The following ERICH6 variants were observed in gnomAD, a reference collection of about 807,000 sequenced individuals.
The protein encoded by ERICH6 is glutamate rich 6.
A neutral mutation model predicts 71.0 loss-of-function variants in ERICH6; 71 were observed. The ratio of observed to expected loss-of-function variants is 1.00; its 90% CI spans 0.83 to 1.22. The LOEUF is 1.22. Ranked by LOEUF, ERICH6 falls within the 50% of genes most tolerant of loss-of-function variation. The pLI is 0.00. For synonymous variants in ERICH6, 262 were observed against 278.4 expected (o/e 0.94, Z 0.59); for missense variants, 808 against 797.2 (o/e 1.01, Z -0.16).
Position 150,678,526 on chromosome 3 carries a change from A to T in ERICH6, c.1140T>A (p.Tyr380Ter), listed in dbSNP as rs557979825. 3.1e-6 allele frequency: 5 copies of T among 1,601,538 alleles called. No homozygotes were observed. The highest frequency in any genetic ancestry group is 4.2e-6 in the Non-Finnish European group (5 of 1,177,050). The stretch of plus-strand genomic sequence containing the variant: ...TTTCTGGAATATCCACAGAAAGTTG[A>T]TAAGAAATTGTTTTTAAGCGCTTTG... The part of the protein sequence containing the change: ...DDSKRLKTIS[Y>*]QLSVDIPEKQ... The change falls in exon 10 of 14, where the codon TAT (tyrosine) becomes TAA (stop). Residue 380 changes from tyrosine (Y) to a stop codon, truncating the protein, a stop_gained. Coordinates refer to ENST00000295910, the MANE Select transcript of ERICH6 (RefSeq NM_152394.5). LOFTEE classifies it high-confidence loss of function.
chr3:150,679,899 C>A (rs1711829591), intron 9 of ERICH6, among the ~76,000 whole-genome samples: 1 of 152,158 alleles, frequency 6.6e-6, no homozygotes, highest in African/African-American at 2.4e-5. Flanking sequence ...CTCAGGCGAT[C>A]CACCCGCCTC....
At chr3:150,700,241 A>ATTTTTTTTTTTTTTTTTT (rs34624356) in intron 2 of ERICH6, among the ~76,000 whole-genome samples, 8 of 110,970 alleles carry the variant, frequency 7.2e-5, no homozygotes, top group African/African-American at 1.1e-4. Context: ...TGCCCGGCTA[A>ATTTTTTTTTTTTTTTTTT]TTTTTTTTTT....
At chr3:150,682,084 G>A in intron 7 of ERICH6, 134 bp downstream of exon 7, 1 of 735,598 alleles carries the variant, frequency 1.4e-6, no homozygotes, top group Non-Finnish European at 2.2e-6. Context: ...CGAAGTGCTA[G>A]GATTACAGGT....
chr3:150,696,731 A>G (rs1712670015), intron 3 of ERICH6, among the ~76,000 whole-genome samples: 1 of 152,186 alleles, frequency 6.6e-6, no homozygotes, highest in Non-Finnish European at 1.5e-5. Context: ...AAATAAAATA[A>G]TAATCATTTC....
At chr3:150,676,037 CT>C (rs1711641123) in intron 10 of ERICH6, among the ~76,000 whole-genome samples, 1 of 151,582 alleles carries the variant, frequency 6.6e-6, no homozygotes, top group Non-Finnish European at 1.5e-5. Context: ...ACCTGATTAT[CT>C]TTTTTTCTCT....
chr3:150,682,944 G>T (rs2108061700), intron 6 of ERICH6, among the ~76,000 whole-genome samples: 1 of 152,244 alleles, frequency 6.6e-6, no homozygotes, highest in South Asian at 2.1e-4. Context: ...GGGCTCAGCT[G>T]ACTCAATGTG....
intron 10 of ERICH6, among the ~76,000 whole-genome samples, chr3:150,678,158 T>C (rs950797446): frequency 8.5e-5 from 13 of 152,220 alleles, no homozygotes; most frequent in Admixed American, 5.2e-4. Context: ...TTTCTTCCCT[T>C]CCTTTTAATT....
intron 10 of ERICH6, among the ~76,000 whole-genome samples, chr3:150,677,245 C>A (rs1420163180): frequency 6.6e-6 from 1 of 152,082 alleles, no homozygotes; most frequent in East Asian, 1.9e-4. Flanking sequence ...GCCTGGTTCA[C>A]CCCTTAAATT....
chr3:150,700,936 T>C (rs953630908), intron 2 of ERICH6, among the ~76,000 whole-genome samples: 4 of 152,224 alleles, frequency 2.6e-5, no homozygotes, highest in Non-Finnish European at 5.9e-5. Context: ...TATTTTCTTG[T>C]CCATAGATTC....
chr3:150,699,584 A>G (rs1171623810), intron 2 of ERICH6, among the ~76,000 whole-genome samples: 7 of 152,344 alleles, frequency 4.6e-5, no homozygotes, highest in East Asian at 1.9e-4. Flanking sequence ...ACGAAGGATT[A>G]CCACTTAAGA....
chr3:150,698,979 A>G, intron 2 of ERICH6, 97 bp from the exon 3 acceptor site: 1 of 739,358 alleles, frequency 1.4e-6, no homozygotes, highest in East Asian at 2.6e-5. Context: ...TAATGCACGT[A>G]GAAAATATTT....
chr3:150,663,195 C>T (rs568613929), intron 13 of ERICH6, among the ~76,000 whole-genome samples: 1 of 152,126 alleles, frequency 6.6e-6, no homozygotes, highest in East Asian at 1.9e-4. Flanking sequence ...GAGGCTATTG[C>T]AATAATCAAG....
intron 9 of ERICH6, among the ~76,000 whole-genome samples, chr3:150,679,666 C>CT (rs940882937): frequency 2.4e-4 from 36 of 147,248 alleles, no homozygotes; most frequent in East Asian, 2.2e-3. Flanking sequence ...AATAAGCTGA[C>CT]TTTTTTTTTT....
chr3:150,668,841 C>T (rs1390353234), intron 12 of ERICH6, among the ~76,000 whole-genome samples: 2 of 152,126 alleles, frequency 1.3e-5, no homozygotes, highest in Non-Finnish European at 2.9e-5. Flanking sequence ...ACTCTTCTTG[C>T]TTGTGGCTAT....
chr3:150,670,679 CA>C (rs1167689745), intron 11 of ERICH6, among the ~76,000 whole-genome samples: 2 of 152,010 alleles, frequency 1.3e-5, no homozygotes, highest in Non-Finnish European at 2.9e-5. Context: ...TTGTAAGCTA[CA>C]AGATCAATAT....
At chr3:150,680,612 G>A (rs1329549097) in intron 8 of ERICH6, 74 bp from the exon 9 acceptor site, 10 of 1,586,568 alleles carry the variant, frequency 6.3e-6, no homozygotes, top group Non-Finnish European at 7.8e-6. Context: ...ACAAAATTCA[G>A]CTGCTTAAAT....
Position 150,669,349 on chromosome 3 carries a change from T to A in ERICH6, c.1446A>T (p.Ala482=). 6.2e-7 allele frequency: 1 copy of A among 1,613,886 alleles called. No individual in the cohort carries two copies. The highest frequency in any genetic ancestry group is 8.5e-7 in the Non-Finnish European group (1 of 1,179,896). Residue 482 remains alanine (A), a synonymous_variant, in exon 12 of 14, where the codon GCA becomes GCT. Transcript: ENST00000295910. ...AACTTCTGCCAGAGGAATCCAGCAC[T>A]GCTAGGATAGCAGGGTTAGTGGGCA... ...EDMPTNPAIL[A]VLDSSGRSSC...
At chr3:150,684,211 C>A (rs1417017990) in intron 6 of ERICH6, among the ~76,000 whole-genome samples, 1 of 152,078 alleles carries the variant, frequency 6.6e-6, no homozygotes, top group Non-Finnish European at 1.5e-5. Context: ...TATAGTGAGA[C>A]CACATCTTTT....
rs983261760 is a variant in ERICH6, at chr3:150,664,589, G to A, written c.1728+2198C>T. Reference sequence around the variant, plus strand: ...TTGAACCCGGGAGGTGGAGGTTGCAGTGAGCCAAGATCACTCCACTGCACT... The same window carrying A: ...TTGAACCCGGGAGGTGGAGGTTGCAATGAGCCAAGATCACTCCACTGCACT... On this transcript the variant is annotated intron_variant, in intron 13 of 13. Transcript: ENST00000295910. 6.6e-5 allele frequency among the ~76,000 whole-genome samples: 10 copies of A among 151,734 alleles called. No homozygotes were observed. In the South Asian group the frequency reaches 2.1e-3, roughly 32 times the overall value.
Sources: allele counts gnomAD v4.1 joint callset (sites outside exome capture counted in the v4.1 genomes callset), GRCh38; gene constraint gnomAD v4.1.1; transcripts MANE v1.5; gene names NCBI Gene and HGNC (gene_info 2026-07-23, HGNC 2026-07-21).